Variants in CEP112 observed in about 807,000 individuals in gnomAD.
The protein encoded by CEP112 is centrosomal protein of 112 kDa.
In CEP112, 127 loss-of-function variants were observed where a neutral mutation model predicts 153.0. That is an observed-to-expected ratio of 0.83 (90% confidence interval 0.72 to 0.96). The LOEUF is 0.96. Ranked by LOEUF, CEP112 falls within the 40% of genes least tolerant of loss-of-function variation. The pLI, the probability that CEP112 is intolerant of heterozygous loss-of-function variation, is 0.00. For missense variants in CEP112, 1,089 were observed against 1,101.2 expected (o/e 0.99, Z 0.16); for synonymous variants, 358 against 374.4 (o/e 0.96, Z 0.51).
intron 20 of CEP112, among the ~76,000 whole-genome samples, chr17:65,870,420 G>A (rs998562996): frequency 1.3e-5 from 2 of 152,130 alleles, no homozygotes; most frequent in Non-Finnish European, 2.9e-5. Context: ...ATCTATTTTG[G>A]AAAATTGCAA....
At chr17:65,654,879 C>CTGAATAAGATTGAGGTTGTCAT in intron 24 of CEP112, 1 of 497,420 alleles carries the variant, frequency 2.0e-6, no homozygotes, top group South Asian at 1.6e-5. Context: ...GAGGTTGTCA[C>CTGAATAAGATTGAGGTTGTCAT]TGGGGTCGTA....
At position 65,750,937 on chromosome 17, in the gene CEP112, C is replaced by G. The variant is rs117092341; in HGVS notation, c.2395-213G>C. On this transcript the variant is annotated intron_variant, in intron 21 of 26. Coordinates refer to ENST00000535342, the MANE Select transcript of CEP112 (RefSeq NM_001199165.4). Reference sequence around the variant, plus strand: ...AAGATCTCTTCTGCCAATTATTAGACAAACATAAGACTTCTGTGGATAGAA... The same window carrying G: ...AAGATCTCTTCTGCCAATTATTAGAGAAACATAAGACTTCTGTGGATAGAA... The G allele has an allele frequency of 9.0e-3, 4,444 of 492,798 alleles. 38 individuals are homozygous for G. The highest frequency in any genetic ancestry group is 0.012 in the Non-Finnish European group (3,333 of 278,654). The allele number at this position is 492,798 out of a possible 1,614,324, so 30.5% of individuals were successfully genotyped here.
rs71160520 is a variant in CEP112 at position 66,031,486 on chromosome 17, GT to G, written c.1219-1464del. Reference sequence around the variant, plus strand: ...CAGTTTTGTTTTGTTTTTTTTTTTTGTTTTTTTTTTTTTTTGAGACAGGGTC... The same window carrying G: ...CAGTTTTGTTTTGTTTTTTTTTTTTGTTTTTTTTTTTTTTGAGACAGGGTC... On this transcript the variant is annotated intron_variant, in intron 12 of 26. Coordinates refer to ENST00000535342, the MANE Select transcript of CEP112 (RefSeq NM_001199165.4). 0.01 allele frequency among the ~76,000 whole-genome samples: 221 copies of G among 21,412 alleles called. 2 individuals carry two copies. In the South Asian group the frequency reaches 0.12, roughly 11 times the overall value. The allele number at this position is 21,412 out of a possible 152,430, so 14.0% of individuals were successfully genotyped here.
chr17:66,024,441 C>T (rs1020827963), intron 16 of CEP112, among the ~76,000 whole-genome samples: 1 of 151,844 alleles, frequency 6.6e-6, no homozygotes, highest in African/African-American at 2.4e-5. Flanking sequence ...CCCCAAAAAC[C>T]TCTTAAATAT....
intron 20 of CEP112, among the ~76,000 whole-genome samples, chr17:65,855,181 T>C (rs59433754): frequency 6.6e-6 from 1 of 152,146 alleles, no homozygotes; most frequent in Non-Finnish European, 1.5e-5. Context: ...AGAAAACCGC[T>C]GTAAGAAGGT....
At chr17:66,013,221 C>T (rs2064615908) in intron 16 of CEP112, among the ~76,000 whole-genome samples, 1 of 152,120 alleles carries the variant, frequency 6.6e-6, no homozygotes, top group South Asian at 2.1e-4. Context: ...TCTACTTCTA[C>T]CATTTCAGCC....
chr17:65,836,878 A>G (rs2057327451), intron 21 of CEP112, among the ~76,000 whole-genome samples: 1 of 111,440 alleles, frequency 9.0e-6, no homozygotes, highest in African/African-American at 3.5e-5. Flanking sequence ...TACTGCCGCC[A>G]TCTCGGCTCA....
At chr17:65,801,221 G>C (rs973822419) in intron 21 of CEP112, among the ~76,000 whole-genome samples, 2 of 152,004 alleles carry the variant, frequency 1.3e-5, no homozygotes, top group Admixed American at 6.6e-5. Context: ...ACTACATCTG[G>C]ATAATATTTC....
chr17:65,985,779 G>A (rs1205016636), intron 17 of CEP112, among the ~76,000 whole-genome samples: 1 of 151,446 alleles, frequency 6.6e-6, no homozygotes, highest in African/African-American at 2.4e-5. Context: ...ATACAGCTCT[G>A]CATGCCTCAC....
At chr17:65,652,045 C>CA (rs1235060987) in intron 24 of CEP112, among the ~76,000 whole-genome samples, 2 of 152,048 alleles carry the variant, frequency 1.3e-5, no homozygotes, top group East Asian at 3.9e-4. Flanking sequence ...ATACAAATGG[C>CA]AAAAAATGCT....
At position 66,169,842 on chromosome 17, in the gene CEP112, CA is replaced by C. The variant is rs2072169459; in HGVS notation, c.470+5201del. On this transcript the variant is annotated intron_variant, in intron 4 of 26. Coordinates refer to ENST00000535342, the MANE Select transcript of CEP112 (RefSeq NM_001199165.4). ...TTATTACAAATTTAACAGCTTTAAA[CA>C]ACACACATAAATGTTCTCATGTTTC... Among the ~76,000 whole-genome samples the C allele has an allele frequency of 2.0e-5, 3 of 152,240 alleles. No homozygotes were observed. The South Asian group carries it at 6.2e-4, about 32-fold the overall frequency.
In CEP112 at chr17:65,902,162, C is replaced by T. The variant is rs751353344; in HGVS notation, c.2153G>A (p.Arg718Gln). 21 of 1,612,480 alleles carry T rather than the reference C, an allele frequency of 1.3e-5. No homozygotes were observed. In the East Asian group the frequency reaches 2.2e-4, roughly 17 times the overall value. The change falls in exon 20 of 27, where the codon CGA becomes CAA. Residue 718 changes from arginine (R) to glutamine (Q), a missense_variant. Arg to Gln is a conservative substitution (Grantham distance 43). Coordinates refer to ENST00000535342, the MANE Select transcript of CEP112 (RefSeq NM_001199165.4). ...ATTATTGATAATTACCTGTGCATCT[C>T]GTTTCTTGAACTCCTGAATTTGATT... ...HENQIQEFKK[R>Q]DAQVIADMEA... is the part of the protein sequence containing the mutation.
chr17:65,932,710 C>T (rs12453072), intron 18 of CEP112, among the ~76,000 whole-genome samples: 72,455 of 151,580 alleles, frequency 0.48, 18,272 homozygotes, highest in East Asian at 0.89. Context: ...GCGAAGGTGC[C>T]ACACACGTTT....
At chr17:66,125,829 G>A (rs1030984189) in intron 6 of CEP112, among the ~76,000 whole-genome samples, 3 of 152,094 alleles carry the variant, frequency 2.0e-5, no homozygotes, top group African/African-American at 7.2e-5. Context: ...AATTAGAATT[G>A]CAAAGAAAAT....
At chr17:65,709,727 C>G (rs1448579089) in intron 23 of CEP112, among the ~76,000 whole-genome samples, 1 of 152,176 alleles carries the variant, frequency 6.6e-6, no homozygotes. Flanking sequence ...GCCATCAGTC[C>G]ACATTGAGCG....
At chr17:66,014,048 G>A (rs1030103448) in intron 16 of CEP112, among the ~76,000 whole-genome samples, 7 of 152,196 alleles carry the variant, frequency 4.6e-5, no homozygotes, top group East Asian at 1.9e-4. Context: ...GTACACTCAC[G>A]CTGGCAGCAA....
At chr17:65,970,203 C>T (rs1470545570) in intron 17 of CEP112, among the ~76,000 whole-genome samples, 3 of 151,598 alleles carry the variant, frequency 2.0e-5, no homozygotes, top group Non-Finnish European at 2.9e-5. Context: ...ATGCTGCATG[C>T]ATGTCATGCA....
At chr17:66,101,645 GTTTC>G (rs2068574603) in intron 6 of CEP112, among the ~76,000 whole-genome samples, 1 of 151,186 alleles carries the variant, frequency 6.6e-6, no homozygotes. Context: ...AAAAAAACTG[GTTTC>G]TTTAACAAGA....
At chr17:65,717,633 C>T (rs1245692348) in intron 23 of CEP112, among the ~76,000 whole-genome samples, 2 of 152,158 alleles carry the variant, frequency 1.3e-5, no homozygotes, top group Non-Finnish European at 2.9e-5. Context: ...TTTATGGATG[C>T]TATACAGTAA....
Sources: allele counts gnomAD v4.1 joint callset (sites outside exome capture counted in the v4.1 genomes callset), GRCh38; gene constraint gnomAD v4.1.1; transcripts MANE v1.5; gene names NCBI Gene and HGNC (gene_info 2026-07-23, HGNC 2026-07-21).